Variants in ANO4 observed in about 807,000 individuals in gnomAD.
ANO4 encodes anoctamin 4.
A neutral mutation model predicts 141.9 loss-of-function variants in ANO4; 69 were observed. The ratio of observed to expected loss-of-function variants is 0.49; its 90% CI spans 0.40 to 0.59. The LOEUF (loss-of-function observed/expected upper bound fraction) is 0.59. Ranked by LOEUF, ANO4 falls within the 20% of genes least tolerant of loss-of-function variation. The pLI, the probability that ANO4 is intolerant of heterozygous loss-of-function variation, is 0.00. For missense variants in ANO4, 894 were observed against 1,162.2 expected (o/e 0.77, Z 3.36); for synonymous variants, 350 against 394.3 (o/e 0.89, Z 1.33).
chr12:101,098,923 T>G (rs1169094557), intron 21 of ANO4, among the ~76,000 whole-genome samples: 1 of 152,186 alleles, frequency 6.6e-6, no homozygotes, highest in African/African-American at 2.4e-5. Context: ...TTCCTTGTCC[T>G]GTACAGAACA....
intron 24 of ANO4, among the ~76,000 whole-genome samples, chr12:101,113,968 A>G (rs1328541522): frequency 6.6e-6 from 1 of 152,200 alleles, no homozygotes; most frequent in African/African-American, 2.4e-5. Flanking sequence ...CTTTAAGAAA[A>G]CTGACTTTAT....
chr12:101,108,119 A>G (rs2050519795), intron 22 of ANO4, among the ~76,000 whole-genome samples: 1 of 152,182 alleles, frequency 6.6e-6, no homozygotes, highest in African/African-American at 2.4e-5. Context: ...CCCTGAAAAG[A>G]GTCAGGGTTA....
chr12:100,930,451 A>G (rs895525322), intron 3 of ANO4, among the ~76,000 whole-genome samples: 14 of 152,092 alleles, frequency 9.2e-5, no homozygotes, highest in African/African-American at 2.9e-4. Flanking sequence ...CCTTTCTCCA[A>G]TGTATGTTCT....
intron 8 of ANO4, among the ~76,000 whole-genome samples, chr12:101,007,367 A>G (rs1592995369): frequency 1.3e-5 from 2 of 152,212 alleles, no homozygotes; most frequent in South Asian, 4.2e-4. Flanking sequence ...TTTAAATGAA[A>G]ATTTTTAAGT....
At chr12:100,966,286 C>G (rs918789477) in intron 5 of ANO4, among the ~76,000 whole-genome samples, 2 of 152,122 alleles carry the variant, frequency 1.3e-5, no homozygotes, top group African/African-American at 4.8e-5. Context: ...CGGCATTATG[C>G]CATTTAATAC....
chr12:101,091,638 C>G (rs2049780093), intron 17 of ANO4, among the ~76,000 whole-genome samples: 1 of 152,040 alleles, frequency 6.6e-6, no homozygotes, highest in Non-Finnish European at 1.5e-5. Flanking sequence ...CTATTGTTTT[C>G]AACTACTTAA....
chr12:100,834,784 C>T (rs2036816340), intron 1 of ANO4, among the ~76,000 whole-genome samples: 1 of 152,066 alleles, frequency 6.6e-6, no homozygotes, highest in Admixed American at 6.6e-5. Flanking sequence ...GAGAAGGTCT[C>T]ACTAACTAAG....
chr12:100,803,140 A>G (rs1202906292), intron 1 of ANO4, among the ~76,000 whole-genome samples: 1 of 152,184 alleles, frequency 6.6e-6, no homozygotes. Context: ...ATGGAAATGG[A>G]TCTGTCCCTC....
intron 14 of ANO4, among the ~76,000 whole-genome samples, chr12:101,050,180 G>C (rs770698329): frequency 1.2e-4 from 19 of 152,168 alleles, no homozygotes; most frequent in Non-Finnish European, 2.5e-4. Flanking sequence ...CCAACTGGGA[G>C]AAAATGTAAG....
chr12:100,906,193 A>G (rs796895124), intron 2 of ANO4, among the ~76,000 whole-genome samples: 15 of 152,288 alleles, frequency 9.8e-5, no homozygotes, highest in African/African-American at 3.6e-4. Context: ...GTGGTTTTGC[A>G]AAGGAAGTAG....
At chr12:101,012,874 T>C (rs1307802869) in intron 8 of ANO4, among the ~76,000 whole-genome samples, 1 of 152,034 alleles carries the variant, frequency 6.6e-6, no homozygotes, top group African/African-American at 2.4e-5. Context: ...CCTTGATGGA[T>C]TGGATGTTGG....
intron 1 of ANO4, among the ~76,000 whole-genome samples, chr12:100,833,549 A>G (rs1378134900): frequency 6.6e-6 from 1 of 152,008 alleles, no homozygotes; most frequent in African/African-American, 2.4e-5. Context: ...CTCAAGTTTT[A>G]TTCACCACCC....
chr12:100,925,617 A>G (rs1018320405), intron 3 of ANO4, among the ~76,000 whole-genome samples: 1 of 150,176 alleles, frequency 6.7e-6, no homozygotes, highest in Non-Finnish European at 1.5e-5. Flanking sequence ...CACGTTCTGC[A>G]CATGTACCCC....
intron 26 of ANO4, among the ~76,000 whole-genome samples, chr12:101,123,564 T>C (rs993735966): frequency 6.5e-5 from 9 of 137,580 alleles, no homozygotes; most frequent in African/African-American, 2.4e-4. Context: ...AGTGAGAACA[T>C]GTGGTATTTG....
chr12:100,980,416 T>G (rs561829317), intron 7 of ANO4, among the ~76,000 whole-genome samples: 1 of 152,324 alleles, frequency 6.6e-6, no homozygotes, highest in African/African-American at 2.4e-5. Context: ...AGTGTCTTTT[T>G]CTTTGTAGCC....
At chr12:101,056,971 A>G (rs969343592) in intron 14 of ANO4, among the ~76,000 whole-genome samples, 1 of 145,586 alleles carries the variant, frequency 6.9e-6, no homozygotes, top group Non-Finnish European at 1.5e-5. Context: ...CGTCATCTAC[A>G]TTAGGTATTT....
chr12:101,109,397 C>T (rs1311696702), intron 22 of ANO4, among the ~76,000 whole-genome samples: 1 of 152,032 alleles, frequency 6.6e-6, no homozygotes, highest in Non-Finnish European at 1.5e-5. Context: ...TCTGTCTCTA[C>T]TAAAAATACA....
intron 9 of ANO4, among the ~76,000 whole-genome samples, 174 bp downstream of exon 9, chr12:101,020,314 A>G (rs1566135862): frequency 6.6e-6 from 1 of 152,214 alleles, no homozygotes; most frequent in African/African-American, 2.4e-5. Context: ...ATCCTTAAAT[A>G]TCTTCTTTAA....
intron 14 of ANO4, among the ~76,000 whole-genome samples, chr12:101,049,575 AT>A (rs2047776198): frequency 6.6e-6 from 1 of 151,640 alleles, no homozygotes; most frequent in Non-Finnish European, 1.5e-5. Flanking sequence ...GGATGGATGG[AT>A]GGATGGATGG....
Sources: gnomAD v4.1 joint callset for allele counts (sites outside exome capture counted in the v4.1 genomes callset) on GRCh38, gnomAD v4.1.1 for gene constraint, MANE v1.5 for transcripts, NCBI Gene and HGNC (gene_info 2026-07-23, HGNC 2026-07-21) for gene names.